Variants in GRIA1 observed in about 807,000 individuals in gnomAD.
The protein encoded by GRIA1 is glutamate ionotropic receptor AMPA type subunit 1.
Under a neutral mutation model 99.2 loss-of-function variants are expected in GRIA1, and 31 were observed. The ratio of observed to expected loss-of-function variants is 0.31; its 90% CI spans 0.23 to 0.42. GRIA1 has a LOEUF of 0.42. Among genes scored for constraint, GRIA1 ranks in the 10% least tolerant of loss-of-function variants. The pLI, the probability that GRIA1 is intolerant of heterozygous loss-of-function variation, is 1.00. For missense variants in GRIA1, 782 were observed against 1,157.5 expected (o/e 0.68, Z 4.71); for synonymous variants, 438 against 432.4 (o/e 1.01, Z -0.16).
At chr5:153,671,000 G>A (rs1756129561) in intron 5 of GRIA1, among the ~76,000 whole-genome samples, 1 of 152,190 alleles carries the variant, frequency 6.6e-6, no homozygotes, top group Non-Finnish European at 1.5e-5. Context: ...TATAGTTCAT[G>A]ACCACAAGTT....
chr5:153,635,954 C>T (rs1461393584), intron 2 of GRIA1, among the ~76,000 whole-genome samples: 1 of 152,180 alleles, frequency 6.6e-6, no homozygotes, highest in African/African-American at 2.4e-5. Flanking sequence ...AACCTCTGTC[C>T]TTGTGCCAAC....
At chr5:153,724,951 A>G (rs1037978566) in intron 11 of GRIA1, among the ~76,000 whole-genome samples, 1 of 152,170 alleles carries the variant, frequency 6.6e-6, no homozygotes, top group East Asian at 1.9e-4. Context: ...ATTGTCAGAT[A>G]CACCAAAGTT....
intron 11 of GRIA1, among the ~76,000 whole-genome samples, chr5:153,737,410 G>C (rs1249526360): frequency 6.6e-6 from 1 of 151,774 alleles, no homozygotes; most frequent in African/African-American, 2.4e-5. Flanking sequence ...GGCACAACTG[G>C]AGTCAAACCC....
At chr5:153,646,405 T>C (rs2149452604) in intron 2 of GRIA1, among the ~76,000 whole-genome samples, 1 of 152,316 alleles carries the variant, frequency 6.6e-6, no homozygotes, top group Non-Finnish European at 1.5e-5. Flanking sequence ...ATAGACAATG[T>C]GAGGGGAAGA....
At chr5:153,774,477 T>C (rs1764093353) in intron 13 of GRIA1, among the ~76,000 whole-genome samples, 3 of 152,240 alleles carry the variant, frequency 2.0e-5, no homozygotes, top group Admixed American at 1.3e-4. Context: ...AAAAAAGTGC[T>C]TGAGTTTGTT....
At chr5:153,548,204 G>T (rs1759785711) in intron 2 of GRIA1, among the ~76,000 whole-genome samples, 1 of 152,250 alleles carries the variant, frequency 6.6e-6, no homozygotes, top group Admixed American at 6.5e-5. Flanking sequence ...AATTCATGTT[G>T]TATTAGACCA....
chr5:153,675,646 C>T (rs1001867314), intron 6 of GRIA1, among the ~76,000 whole-genome samples: 3 of 152,104 alleles, frequency 2.0e-5, no homozygotes, highest in African/African-American at 4.8e-5. Context: ...AATGGCAAAC[C>T]GTATAACAGA....
intron 2 of GRIA1, among the ~76,000 whole-genome samples, chr5:153,615,675 G>T (rs1176460497): frequency 3.9e-5 from 6 of 152,102 alleles, no homozygotes; most frequent in Non-Finnish European, 5.9e-5. Flanking sequence ...AAAAATAAAA[G>T]TAAACGCCAC....
At chr5:153,500,327 T>G (rs1053210683) in intron 2 of GRIA1, among the ~76,000 whole-genome samples, 2 of 152,146 alleles carry the variant, frequency 1.3e-5, no homozygotes, top group African/African-American at 4.8e-5. Flanking sequence ...TATGGGGATA[T>G]GTACTGTCAC....
Position 153,490,808 on chromosome 5 carries a change from G to C in GRIA1, c.-81G>C. The stretch of plus-strand genomic sequence containing the variant: ...GGAGGAAAAGAACAGGCAGAACAGC[G>C]AGAAGAATAAAGGGAAAGGGGGGGA... On this transcript the variant is annotated 5_prime_UTR_variant, in exon 1 of 16. Transcript: ENST00000285900. The C allele has an allele frequency of 1.0e-6, 1 of 1,003,492 alleles. No homozygotes were observed. The highest frequency in any genetic ancestry group is 1.3e-5 in the South Asian group (1 of 78,656). 62.2% of individuals were successfully genotyped at this position (1,003,492 alleles called of 1,614,324 possible). A position where few individuals can be genotyped will look rare whatever the true frequency, so the allele number is the denominator to read the frequency against.
intron 2 of GRIA1, among the ~76,000 whole-genome samples, chr5:153,589,598 G>A (rs895381907): frequency 2.6e-5 from 4 of 151,880 alleles, no homozygotes; most frequent in Non-Finnish European, 4.4e-5. Context: ...TGTGTGATTC[G>A]GTGGTTTTAT....
chr5:153,695,825 C>CATCGGGG (rs1386003752), intron 8 of GRIA1, among the ~76,000 whole-genome samples: 6 of 152,236 alleles, frequency 3.9e-5, no homozygotes, highest in Admixed American at 2.0e-4. Flanking sequence ...GACCTCCGAG[C>CATCGGGG]TGTCTCAGCA....
At chr5:153,597,320 G>A (rs960764125) in intron 2 of GRIA1, among the ~76,000 whole-genome samples, 4 of 152,180 alleles carry the variant, frequency 2.6e-5, no homozygotes, top group East Asian at 3.8e-4. Context: ...GAAGGTCTGT[G>A]CCATGGATCC....
At chr5:153,660,271 A>G (rs1755266961) in intron 5 of GRIA1, among the ~76,000 whole-genome samples, 1 of 152,224 alleles carries the variant, frequency 6.6e-6, no homozygotes, top group African/African-American at 2.4e-5. Context: ...TAACAATGGC[A>G]ATAACTTCCA....
intron 11 of GRIA1, among the ~76,000 whole-genome samples, chr5:153,720,275 T>C (rs1199800081): frequency 6.6e-6 from 1 of 152,212 alleles, no homozygotes; most frequent in African/African-American, 2.4e-5. Flanking sequence ...TAAGCAATTT[T>C]TTAAAGGACT....
intron 3 of GRIA1, among the ~76,000 whole-genome samples, chr5:153,648,123 T>C (rs1460693083): frequency 6.6e-6 from 1 of 152,190 alleles, no homozygotes; most frequent in Non-Finnish European, 1.5e-5. Context: ...TAGAAAACTT[T>C]TGAGTTGGAG....
In GRIA1 at chr5:153,764,571, C is replaced by T. The variant is rs370019745; in HGVS notation, c.1961C>T (p.Ala654Val). The stretch of plus-strand genomic sequence containing the variant: ...CCCATTGAGAGTGCAGAGGACCTAG[C>T]GAAGCAGACAGAAATTGCCTACGGG... Reference protein sequence around the residue: ...VSPIESAEDLAKQTEIAYGTL... With the variant: ...VSPIESAEDLVKQTEIAYGTL... Residue 654 changes from alanine to valine, a missense_variant, in exon 12 of 16, where the codon GCG becomes GTG. Ala to Val is a moderately conservative substitution (Grantham distance 64). Around this residue, in one of 5 missense-constraint regions of GRIA1, gnomAD observed 119 missense variants for 326.6 expected, o/e 0.36. Coordinates refer to ENST00000285900, the MANE Select transcript of GRIA1 (RefSeq NM_000827.4). 14 of 1,613,820 alleles carry T rather than the reference C, an allele frequency of 8.7e-6. No homozygotes were observed. The highest frequency in any genetic ancestry group is 1.2e-5 in the Non-Finnish European group (14 of 1,179,876).
chr5:153,596,894 A>T (rs1457168790), intron 2 of GRIA1, among the ~76,000 whole-genome samples: 3 of 152,258 alleles, frequency 2.0e-5, no homozygotes, highest in African/African-American at 7.2e-5. Context: ...TCCCACCGGC[A>T]AGCCGGTGCT....
chr5:153,642,689 C>T (rs368579933), intron 2 of GRIA1, among the ~76,000 whole-genome samples: 7 of 151,606 alleles, frequency 4.6e-5, no homozygotes, highest in African/African-American at 1.7e-4. Context: ...ACACCATATT[C>T]AAGTGCTTTC....
Sources: gnomAD v4.1 joint callset for allele counts (sites outside exome capture counted in the v4.1 genomes callset) on GRCh38, gnomAD v4.1.1 for gene constraint, gnomAD v4.1.1 regional missense constraint, MANE v1.5 for transcripts, NCBI Gene and HGNC (gene_info 2026-07-23, HGNC 2026-07-21) for gene names.